RTKN2: variants seen among roughly 807,000 people sequenced by gnomAD.
RTKN2 encodes the protein rhotekin 2.
Under a neutral mutation model 71.5 loss-of-function variants are expected in RTKN2, and 69 were observed. The ratio of observed to expected loss-of-function variants is 0.96; its 90% confidence interval spans 0.79 to 1.18. The LOEUF is 1.18. Among genes scored for constraint, RTKN2 ranks in the 50% most tolerant of loss-of-function variants. The pLI is 0.00. For synonymous variants in RTKN2, 236 were observed against 236.5 expected, an observed-to-expected ratio of 1.00 and a Z score of 0.02; for missense variants, 724 against 719.7, an observed-to-expected ratio of 1.01 and a Z score of -0.07.
chr10:62,239,914 T>C (rs1842338475), intron 4 of RTKN2, 149 bp from the exon 5 acceptor site: 2 of 535,186 alleles, frequency 3.7e-6, no homozygotes, highest in African/African-American at 4.0e-5. Context: ...CAGTGACTGT[T>C]CTCCCAGTAT....
At chr10:62,203,182 A>AAATAAT (rs1253149492) in intron 10 of RTKN2, among the ~76,000 whole-genome samples, 1 of 152,142 alleles carries the variant, frequency 6.6e-6, no homozygotes, top group Admixed American at 6.5e-5. Context: ...ATAAAAATAA[A>AAATAAT]ACAAATAAAA....
downstream of RTKN2, among the ~76,000 whole-genome samples, chr10:62,188,759 T>C (rs1827847365): frequency 6.6e-6 from 1 of 151,596 alleles, no homozygotes. Flanking sequence ...AATTTTTTTA[T>C]TTTTTTGAGA....
At chr10:62,221,943 G>A (rs951553963) in intron 7 of RTKN2, among the ~76,000 whole-genome samples, 1 of 152,034 alleles carries the variant, frequency 6.6e-6, no homozygotes, top group Non-Finnish European at 1.5e-5. Context: ...AGATCAAATA[G>A]GTAGATATCT....
At chr10:62,211,635 G>C (rs372732604) in intron 9 of RTKN2, among the ~76,000 whole-genome samples, 1 of 152,144 alleles carries the variant, frequency 6.6e-6, no homozygotes, top group African/African-American at 2.4e-5. Context: ...GAGACCATTA[G>C]AAATATACTA....
chr10:62,210,253 T>C (rs1333748479), intron 9 of RTKN2, among the ~76,000 whole-genome samples: 1 of 152,190 alleles, frequency 6.6e-6, no homozygotes, highest in African/African-American at 2.4e-5. Context: ...TATATCTACA[T>C]ATGACAACTT....
In RTKN2 at chr10:62,195,105, T is replaced by C. The variant is rs1052988932; in HGVS notation, c.*2803A>G. 4 of 980,946 alleles carry C rather than the reference T, an allele frequency of 4.1e-6. No homozygotes were observed. In the East Asian group the frequency reaches 4.5e-4, roughly 112 times the overall value. 60.8% of individuals were successfully genotyped at this position (980,946 alleles called of 1,614,324 possible). The stretch of plus-strand genomic sequence containing the variant: ...GTAGCAATTAAAAATAATACTATCT[T>C]AATGCTGACTACGTAATTTATATCC... On this transcript the variant is annotated 3_prime_UTR_variant, in exon 12 of 12. Transcript: ENST00000373789.
intron 7 of RTKN2, among the ~76,000 whole-genome samples, chr10:62,222,098 G>A (rs4979776): frequency 0.76 from 114,990 of 151,570 alleles, 43,695 homozygotes; most frequent in East Asian, 0.9. Context: ...GGGTAGTAAC[G>A]TTCTATTTCT....
At chr10:62,247,845 G>T (rs10995093) in intron 2 of RTKN2, among the ~76,000 whole-genome samples, 2 of 151,864 alleles carry the variant, frequency 1.3e-5, no homozygotes, top group Non-Finnish European at 2.9e-5. Flanking sequence ...TATGAGCAAT[G>T]CATAATATAA....
intron 9 of RTKN2, among the ~76,000 whole-genome samples, chr10:62,215,815 A>T (rs1488108721): frequency 6.6e-6 from 1 of 152,056 alleles, no homozygotes; most frequent in African/African-American, 2.4e-5. Flanking sequence ...TGAAAAAGCG[A>T]CAGGAAATAC....
chr10:62,268,718 T>C lies in RTKN2; in HGVS notation c.-108A>G, dbSNP rs1299700475. 2 of 1,210,212 alleles carry C rather than the reference T, an allele frequency of 1.7e-6. No individual in the cohort carries two copies. The highest frequency in any genetic ancestry group is 2.4e-5 in the Admixed American group (1 of 41,440). The allele number at this position is 1,210,212 out of a possible 1,614,324, so 75.0% of individuals were successfully genotyped here. On this transcript the variant is annotated 5_prime_UTR_variant, in exon 1 of 12. Coordinates refer to ENST00000373789, the MANE Select transcript of RTKN2 (RefSeq NM_145307.4). Reference sequence around the variant, plus strand: ...ACGCCAACCGCCCGGCCGTACCAAGTCCCAGTCGCAGGGGCCGGGGGCGCA... The same window carrying C: ...ACGCCAACCGCCCGGCCGTACCAAGCCCCAGTCGCAGGGGCCGGGGGCGCA...
rs114128595 is a variant in RTKN2, at chr10:62,228,726, G to T, written c.687-5394C>A. Among the ~76,000 whole-genome samples the T allele has an allele frequency of 4.3e-3, 651 of 152,218 alleles. 5 individuals carry two copies. Among genetic ancestry groups the T allele is most frequent in the African/African-American group, 0.014 (564 of 41,528 alleles). ...GAGTAACTGAGAAGTGGGCTCTAGC[G>T]CACAAGTAGACAGGCCTTAGATGAG... On this transcript the variant is annotated intron_variant, in intron 6 of 11. Transcript: ENST00000373789.
intron 2 of RTKN2, among the ~76,000 whole-genome samples, chr10:62,253,872 T>C (rs1175008455): frequency 6.6e-6 from 1 of 151,968 alleles, no homozygotes; most frequent in African/African-American, 2.4e-5. Flanking sequence ...TCAAAAGCAT[T>C]ATGCTGAAAG....
At chr10:62,222,946 G>T (rs1237454596) in intron 7 of RTKN2, among the ~76,000 whole-genome samples, 1 of 152,112 alleles carries the variant, frequency 6.6e-6, no homozygotes, top group Non-Finnish European at 1.5e-5. Context: ...AAATAAGTCA[G>T]GTCTTTAATT....
chr10:62,194,000 T>C lies in RTKN2; in HGVS notation c.*3908A>G. The C allele has an allele frequency of 1.0e-6, 1 of 985,088 alleles. No homozygotes were observed. The highest frequency in any genetic ancestry group is 5.2e-4 in the Middle Eastern group (1 of 1,912). The allele number at this position is 985,088 out of a possible 1,614,324, so 61.0% of individuals were successfully genotyped here. ...AAAGAGAAAAAGTTAGAAAACGTCT[T>C]CATGAATCAGTTCTTTTAATGTACA... On this transcript the variant is annotated 3_prime_UTR_variant, in exon 12 of 12. Transcript: ENST00000373789.
At chr10:62,205,047 G>A (rs764353300) in intron 9 of RTKN2, 25 bp from the exon 10 acceptor site, 12 of 1,561,040 alleles carry the variant, frequency 7.7e-6, no homozygotes, top group Non-Finnish European at 9.5e-6. Context: ...AAAAATTGGG[G>A]TTTTGCATGA....
intron 2 of RTKN2, among the ~76,000 whole-genome samples, chr10:62,262,229 T>C (rs181952798): frequency 1.2e-3 from 182 of 152,344 alleles, no homozygotes; most frequent in African/African-American, 4.0e-3. Flanking sequence ...TATCTCTTTA[T>C]AATTTTGCTG....
intron 9 of RTKN2, among the ~76,000 whole-genome samples, chr10:62,208,795 A>T (rs188122202): frequency 2.0e-4 from 30 of 152,318 alleles, no homozygotes; most frequent in African/African-American, 7.2e-4. Flanking sequence ...AACGAATGTA[A>T]AAATACTACC....
At position 62,195,718 on chromosome 10, in the gene RTKN2, T is replaced by C. The variant is rs1564496310; in HGVS notation, c.*2190A>G. 2.0e-6 allele frequency: 2 copies of C among 984,852 alleles called. No individual in the cohort carries two copies. The highest frequency in any genetic ancestry group is 4.7e-5 in the South Asian group (1 of 21,282). The allele number at this position is 984,852 out of a possible 1,614,324, so 61.0% of individuals were successfully genotyped here. A position where few individuals can be genotyped will look rare whatever the true frequency, so the allele number is the denominator to read the frequency against. ...TACACTCCTTAGGTAAGGGGTAAATTAGCATTTCAGGAGCTGAAGACACCA... is the reference window on the plus strand; with the variant it reads ...TACACTCCTTAGGTAAGGGGTAAATCAGCATTTCAGGAGCTGAAGACACCA... On this transcript the variant is annotated 3_prime_UTR_variant, in exon 12 of 12. Transcript: ENST00000373789.
chr10:62,268,715 A>G lies in RTKN2; in HGVS notation c.-105T>C. The stretch of plus-strand genomic sequence containing the variant: ...AGGACGCCAACCGCCCGGCCGTACC[A>G]AGTCCCAGTCGCAGGGGCCGGGGGC... On this transcript the variant is annotated 5_prime_UTR_variant, in exon 1 of 12. Coordinates refer to ENST00000373789, the MANE Select transcript of RTKN2 (RefSeq NM_145307.4). 2.4e-6 allele frequency: 3 copies of G among 1,231,514 alleles called. No homozygotes were observed. Among genetic ancestry groups the G allele is most frequent in the Non-Finnish European group, 3.4e-6 (3 of 883,470 alleles). The allele number at this position is 1,231,514 out of a possible 1,614,324, so 76.3% of individuals were successfully genotyped here.
Sources: allele counts gnomAD v4.1 joint callset (sites outside exome capture counted in the v4.1 genomes callset), GRCh38; gene constraint gnomAD v4.1.1; transcripts MANE v1.5; gene names NCBI Gene and HGNC (gene_info 2026-07-23, HGNC 2026-07-21).